Variants in PASD1 observed in about 807,000 individuals in gnomAD.
PASD1 encodes circadian clock protein PASD1.
Under a neutral mutation model 58.8 loss-of-function variants are expected in PASD1, and 13 were observed. That is an observed-to-expected ratio of 0.22 (90% CI 0.14 to 0.35). The LOEUF is 0.35. Among genes scored for constraint, PASD1 ranks in the 10% least tolerant of loss-of-function variants. The probability of loss-of-function intolerance (pLI) is 1.00; values close to 1 mark genes in which losing one functional copy is unlikely to be tolerated. For missense variants in PASD1, 734 were observed against 568.3 expected, an observed-to-expected ratio of 1.29 and a Z score of -2.96; for synonymous variants, 236 against 216.7, an observed-to-expected ratio of 1.09 and a Z score of -0.78.
intron 2 of PASD1, among the ~76,000 whole-genome samples, chrX:151,601,951 T>A (rs111982029): frequency 0.035 from 3,891 of 112,336 alleles, 123 homozygotes; most frequent in African/African-American, 0.096. Flanking sequence ...GAAGATAAAT[T>A]AACTTACTTT....
intron 1 of PASD1, among the ~76,000 whole-genome samples, chrX:151,572,552 C>T (rs1323772093): frequency 3.6e-5 from 4 of 111,425 alleles, no homozygotes; most frequent in Non-Finnish European, 7.5e-5. Context: ...AGATTCTTTA[C>T]GGTTTAAATT....
chrX:151,620,375 A>C (rs1213688698), intron 4 of PASD1, among the ~76,000 whole-genome samples: 1 of 110,341 alleles, frequency 9.1e-6, no homozygotes, highest in Admixed American at 9.8e-5. Context: ...AAGAGGAGGG[A>C]AAGCAGGTCT....
In PASD1 at chrX:151,671,181, G is replaced by A. The variant is rs1434722032; in HGVS notation, c.1215G>A (p.Met405Ile). 6 of 1,211,333 alleles carry A rather than the reference G, an allele frequency of 5.0e-6. No homozygotes were observed. In the East Asian group the frequency reaches 8.9e-5, roughly 18 times the overall value. ...IQNQQNALEL[M>I]MDHLQKQPNT... is the part of the protein sequence containing the mutation. ...ACCAGCAGAATGCATTGGAATTGAT[G>A]ATGGATCACCTTCAGGTCAGTCAGG... Residue 405 changes from methionine (M) to isoleucine (I), a missense_variant, in exon 12 of 16, where the codon ATG (methionine) becomes ATA (isoleucine). Met to Ile is a conservative substitution (Grantham distance 10). Coordinates refer to ENST00000370357, the MANE Select transcript of PASD1 (RefSeq NM_173493.3).
At position 151,659,852 on chromosome X, in the gene PASD1, C is replaced by G; in HGVS notation, c.841+16C>G. 4 of 1,196,265 alleles carry G rather than the reference C, an allele frequency of 3.3e-6. No individual in the cohort carries two copies. The South Asian group carries it at 7.3e-5, about 22-fold the overall frequency. Reference sequence around the variant, plus strand: ...GAATCTCCAGGTAGGTACATTTATGCATTTGGATAGGGACTATTAGAAGAA... The same window carrying G: ...GAATCTCCAGGTAGGTACATTTATGGATTTGGATAGGGACTATTAGAAGAA... On this transcript the variant is annotated intron_variant, in intron 10 of 15. Coordinates refer to ENST00000370357, the MANE Select transcript of PASD1 (RefSeq NM_173493.3).
chrX:151,667,333 C>T (rs1446632151), intron 11 of PASD1, among the ~76,000 whole-genome samples: 17 of 111,519 alleles, frequency 1.5e-4, no homozygotes, highest in African/African-American at 5.5e-4. Context: ...CTGTAGGTTG[C>T]CTGTTCACTC....
intron 7 of PASD1, among the ~76,000 whole-genome samples, chrX:151,623,352 G>A (rs761939471): frequency 8.9e-6 from 1 of 111,901 alleles, no homozygotes; most frequent in East Asian, 2.8e-4. Context: ...TGGAACACAT[G>A]AAGAGAAATG....
chrX:151,635,069 TA>T (rs2013912309), intron 8 of PASD1, among the ~76,000 whole-genome samples: 1 of 111,634 alleles, frequency 9.0e-6, no homozygotes. Flanking sequence ...ATACTACTAT[TA>T]TTACTTATTT....
At chrX:151,601,674 G>T in intron 2 of PASD1, 93 bp downstream of exon 2, 1 of 929,651 alleles carries the variant, frequency 1.1e-6, no homozygotes, top group Non-Finnish European at 1.5e-6. Flanking sequence ...ACTTCCTCAG[G>T]GAAGCCTGAT....
intron 1 of PASD1, among the ~76,000 whole-genome samples, chrX:151,599,638 G>A (rs752833005): frequency 9.3e-6 from 1 of 108,093 alleles, no homozygotes; most frequent in African/African-American, 3.4e-5. Context: ...GGTCGCGGCC[G>A]GGCAGAGGCG....
At chrX:151,670,365 G>C (rs7880932) in intron 11 of PASD1, among the ~76,000 whole-genome samples, 1,805 of 111,810 alleles carry the variant, frequency 0.016, 42 homozygotes, top group African/African-American at 0.055. Flanking sequence ...CAAAACTCTG[G>C]TTTCTCCTCT....
chrX:151,618,410 G>T (rs781271881), intron 4 of PASD1, among the ~76,000 whole-genome samples: 97 of 112,215 alleles, frequency 8.6e-4, no homozygotes, highest in African/African-American at 2.9e-3. Flanking sequence ...TCACATTAAA[G>T]CCTCATTACT....
chrX:151,567,045 AAAATAAATAAATAAATAAAT>A (rs370364202), intron 1 of PASD1, among the ~76,000 whole-genome samples: 245 of 94,950 alleles, frequency 2.6e-3, no homozygotes, highest in African/African-American at 9.0e-3. Flanking sequence ...ACTCCGTCTC[AAAATAAATAAATAAATAAAT>A]AAATAAATAA....
intron 1 of PASD1, among the ~76,000 whole-genome samples, chrX:151,572,978 T>C (rs1164584540): frequency 1.1e-5 from 1 of 90,383 alleles, no homozygotes; most frequent in Non-Finnish European, 2.2e-5. Context: ...AGCTTACACA[T>C]CATGTGGCTA....
At chrX:151,578,185 T>G (rs1478740442) in intron 1 of PASD1, 1 of 112,377 alleles carries the variant, frequency 8.9e-6, no homozygotes, top group Non-Finnish European at 1.9e-5. Context: ...AGATGTCTTG[T>G]GTCAAGAAAT....
intron 9 of PASD1, among the ~76,000 whole-genome samples, chrX:151,656,411 TG>T (rs1385957540): frequency 9.0e-6 from 1 of 111,565 alleles, no homozygotes; most frequent in African/African-American, 3.3e-5. Flanking sequence ...GGTAGCTTGA[TG>T]GGGGGGATGG....
At chrX:151,639,111 G>A (rs1043300137) in intron 8 of PASD1, among the ~76,000 whole-genome samples, 1 of 111,722 alleles carries the variant, frequency 9.0e-6, no homozygotes, top group African/African-American at 3.3e-5. Context: ...CAGCCTCCCT[G>A]GCTTCTCTTT....
At chrX:151,601,261 T>C (rs898853433) in intron 1 of PASD1, among the ~76,000 whole-genome samples, 13 of 112,308 alleles carry the variant, frequency 1.2e-4, no homozygotes, top group Non-Finnish European at 2.4e-4. Flanking sequence ...AACCACAGAA[T>C]GTTTTTGTAA....
intron 2 of PASD1, among the ~76,000 whole-genome samples, chrX:151,603,679 T>C (rs1298760209): frequency 1.8e-5 from 2 of 110,993 alleles, no homozygotes; most frequent in Non-Finnish European, 3.8e-5. Context: ...CATGGTTTAC[T>C]TTTCATGTTA....
chrX:151,571,181 C>T (rs1173943514), intron 1 of PASD1, among the ~76,000 whole-genome samples: 2 of 112,245 alleles, frequency 1.8e-5, no homozygotes, highest in African/African-American at 6.5e-5. Flanking sequence ...GCACTTAAGA[C>T]ATTACTTGGG....
Sources: gnomAD v4.1 joint callset for allele counts (sites outside exome capture counted in the v4.1 genomes callset) on GRCh38, gnomAD v4.1.1 for gene constraint, MANE v1.5 for transcripts, NCBI Gene and HGNC (gene_info 2026-07-23, HGNC 2026-07-21) for gene names.